The following GLG1 variants were observed in gnomAD, a reference collection of about 807,000 sequenced individuals.
GLG1 encodes golgi glycoprotein 1.
GLG1 carries 38 observed loss-of-function variants against 160.5 expected under a neutral mutation model. The observed-to-expected ratio is 0.24, with a 90% CI of 0.18 to 0.31. GLG1 has a LOEUF of 0.31. Among genes scored for constraint, GLG1 ranks in the 10% least tolerant of loss-of-function variants. The pLI, the probability that GLG1 is intolerant of heterozygous loss-of-function variation, is 1.00. For missense variants in GLG1, 1,373 were observed against 1,505.2 expected (o/e 0.91, Z 1.45); for synonymous variants, 644 against 543.4 (o/e 1.19, Z -2.57).
chr16:74,473,012 T>C (rs1206345636), intron 13 of GLG1: 1 of 154,808 alleles, frequency 6.5e-6, no homozygotes, highest in Non-Finnish European at 1.4e-5. Flanking sequence ...TTCTGAAAAC[T>C]AGAAAGCAAA....
chr16:74,459,059 C>A (rs929844117), intron 23 of GLG1, among the ~76,000 whole-genome samples: 27 of 152,182 alleles, frequency 1.8e-4, no homozygotes, highest in African/African-American at 5.8e-4. Flanking sequence ...TATATGGGAT[C>A]ATGTGATGAT....
At chr16:74,518,661 C>T (rs2017062883) in intron 2 of GLG1, among the ~76,000 whole-genome samples, 1 of 152,104 alleles carries the variant, frequency 6.6e-6, no homozygotes, top group Admixed American at 6.6e-5. Flanking sequence ...GCAATGGCAC[C>T]AAAAGCAATG....
intron 16 of GLG1, 185 bp downstream of exon 16, chr16:74,469,800 T>C: frequency 1.7e-6 from 1 of 591,116 alleles, no homozygotes; most frequent in Non-Finnish European, 3.0e-6. Flanking sequence ...ATGTGAGAAC[T>C]ACCATCGCCA....
chr16:74,498,380 C>T (rs1236461285), intron 4 of GLG1, among the ~76,000 whole-genome samples: 9 of 130,508 alleles, frequency 6.9e-5, no homozygotes, highest in Admixed American at 6.8e-4. Context: ...TGCAGGGAGC[C>T]GAGATTGCAC....
chr16:74,475,479 T>G (rs1011503145), intron 12 of GLG1, among the ~76,000 whole-genome samples: 1 of 152,184 alleles, frequency 6.6e-6, no homozygotes, highest in Non-Finnish European at 1.5e-5. Context: ...CTAACTCCAG[T>G]ACACATCAAA....
In GLG1 at chr16:74,508,855, T is replaced by A. The variant is rs1175810278; in HGVS notation, c.542A>T (p.Lys181Ile). Residue 181 changes from lysine to isoleucine, a missense_variant, in exon 3 of 26, where the codon AAA becomes ATA. Lys to Ile is a moderately radical substitution (Grantham distance 102, BLOSUM62 -3). Around this residue, in one of 4 missense-constraint regions of GLG1, gnomAD observed 322 missense variants for 254.6 expected, o/e 1.26. Transcript: ENST00000422840. ...KFESVAREVC[K>I]STITEIKECA... ...ACAACTTACCTCTGTTATAGTAGAT[T>A]TGCAAACCTCTCTGGCCACAGATTC... The A allele has an allele frequency of 6.7e-7, 1 of 1,497,008 alleles. No individual in the cohort carries two copies. Among genetic ancestry groups the A allele is most frequent in the African/African-American group, 1.4e-5 (1 of 72,770 alleles). 92.7% of individuals were successfully genotyped at this position (1,497,008 alleles called of 1,614,324 possible).
chr16:74,520,641 GACAACA>G (rs765181662), intron 2 of GLG1, among the ~76,000 whole-genome samples: 75 of 151,918 alleles, frequency 4.9e-4, no homozygotes, highest in African/African-American at 1.6e-3. Flanking sequence ...CATCTCAAAC[GACAACA>G]ACAACAACAA....
chr16:74,525,881 C>A (rs188793763), intron 2 of GLG1, among the ~76,000 whole-genome samples: 5 of 151,974 alleles, frequency 3.3e-5, no homozygotes, highest in Non-Finnish European at 7.3e-5. Context: ...TCTGGTCAGG[C>A]GCAGTGGCTC....
intron 1 of GLG1, among the ~76,000 whole-genome samples, chr16:74,599,841 G>C (rs1187713970): frequency 6.6e-6 from 1 of 151,346 alleles, no homozygotes; most frequent in Admixed American, 6.6e-5. Flanking sequence ...TCCAGCCTGG[G>C]TGACAGAGCT....
intron 1 of GLG1, among the ~76,000 whole-genome samples, chr16:74,574,883 C>CAAAAAAAAAAAAAAAAAAAAAAAAAAAAA (rs531720341): frequency 4.0e-5 from 1 of 24,792 alleles, no homozygotes; most frequent in African/African-American, 2.5e-4. Flanking sequence ...GACTCTGTCT[C>CAAAAAAAAAAAAAAAAAAAAAAAAAAAAA]AAAAAAAAAA....
At chr16:74,529,834 T>TTG (rs1567505950) in intron 2 of GLG1, among the ~76,000 whole-genome samples, 7 of 147,038 alleles carry the variant, frequency 4.8e-5, no homozygotes, top group Non-Finnish European at 9.0e-5. Flanking sequence ...TTTTTTTTTT[T>TTG]GTGACGGAGT....
chr16:74,484,529 G>A (rs1390688948), intron 9 of GLG1, among the ~76,000 whole-genome samples: 3 of 151,808 alleles, frequency 2.0e-5, no homozygotes, highest in African/African-American at 7.3e-5. Flanking sequence ...TTGGGAGGCC[G>A]AGGCGGGTGG....
chr16:74,463,969 G>A (rs1224298531), intron 19 of GLG1: 1 of 167,186 alleles, frequency 6.0e-6, no homozygotes, highest in Non-Finnish European at 1.3e-5. Context: ...GTTGTAAACA[G>A]CACCGCACTT....
At position 74,449,091 on chromosome 16, in the gene GLG1, C is replaced by G. The variant is rs1024598565; in HGVS notation, c.*4076G>C. 1.3e-5 allele frequency: 2 copies of G among 152,292 alleles called. No homozygotes were observed. Among genetic ancestry groups the G allele is most frequent in the African/African-American group, 4.8e-5 (2 of 41,440 alleles). The allele number at this position is 152,292 out of a possible 1,614,324, so 9.4% of individuals were successfully genotyped here. A position where few individuals can be genotyped will look rare whatever the true frequency, so the allele number is the denominator to read the frequency against. ...ACTCCAGCCTGGCAACGGAGTGAGA[C>G]TCCATCTCAGAAACAAAACAAAAAA... On this transcript the variant is annotated 3_prime_UTR_variant, in exon 26 of 26. Transcript: ENST00000422840.
chr16:74,592,941 C>A (rs879401790), intron 1 of GLG1, among the ~76,000 whole-genome samples: 10 of 152,128 alleles, frequency 6.6e-5, no homozygotes, highest in Non-Finnish European at 1.3e-4. Context: ...GCACTGGTCT[C>A]ATGAATGGAT....
intron 2 of GLG1, among the ~76,000 whole-genome samples, chr16:74,518,888 G>C (rs558939886): frequency 6.6e-6 from 1 of 152,180 alleles, no homozygotes; most frequent in Non-Finnish European, 1.5e-5. Flanking sequence ...CTGTTGGTGG[G>C]AGTGTAAATT....
rs568040616 is a variant in GLG1, at chr16:74,503,199, T to G, written c.774+332A>C. Among the ~76,000 whole-genome samples, 14 of 151,822 alleles carry G rather than the reference T, an allele frequency of 9.2e-5. No individual in the cohort carries two copies. In the East Asian group the frequency reaches 2.0e-3, roughly 21 times the overall value. ...TCCAGCCTGGGAAACAGAGGGAGAC[T>G]CTGTTTCAAAAAAAAAATATTAGAG... On this transcript the variant is annotated intron_variant, in intron 4 of 25. Coordinates refer to ENST00000422840, the MANE Select transcript of GLG1 (RefSeq NM_001145667.2).
chr16:74,569,293 T>C (rs994806727), intron 1 of GLG1, among the ~76,000 whole-genome samples: 1 of 152,146 alleles, frequency 6.6e-6, no homozygotes, highest in African/African-American at 2.4e-5. Flanking sequence ...CAAATAAAAA[T>C]CCTTTCTGAA....
At chr16:74,537,192 C>T (rs886711374) in intron 1 of GLG1, among the ~76,000 whole-genome samples, 2 of 152,010 alleles carry the variant, frequency 1.3e-5, no homozygotes, top group Non-Finnish European at 2.9e-5. Context: ...GAGAATTTAG[C>T]ACATCCCCAT....
Sources: allele counts gnomAD v4.1 joint callset (sites outside exome capture counted in the v4.1 genomes callset), GRCh38; gene constraint gnomAD v4.1.1; regional missense constraint gnomAD v4.1.1; transcripts MANE v1.5; gene names NCBI Gene and HGNC (gene_info 2026-07-23, HGNC 2026-07-21).